CSMD1: variants seen among roughly 807,000 people sequenced by gnomAD.
The protein encoded by CSMD1 is CUB and sushi domain-containing protein 1.
In CSMD1, 213 loss-of-function variants were observed where a neutral mutation model predicts 417.5. That is an observed-to-expected ratio of 0.51 (90% CI 0.46 to 0.57). CSMD1 has a LOEUF of 0.57. CSMD1 is among the 20% of genes least tolerant of loss of function. CSMD1 has a pLI of 0.00. For synonymous variants in CSMD1, 2,862 were observed against 1,736.8 expected (o/e 1.65, Z -16.11); for missense variants, 6,923 against 4,529.7 (o/e 1.53, Z -15.17).
intron 2 of CSMD1, among the ~76,000 whole-genome samples, chr8:4,598,858 C>G (rs924593110): frequency 8.5e-5 from 13 of 152,142 alleles, no homozygotes; most frequent in South Asian, 2.1e-4. Context: ...GGAAGAACTA[C>G]TTTTACTTTT....
intron 3 of CSMD1, among the ~76,000 whole-genome samples, chr8:4,162,478 G>C (rs957769967): frequency 2.6e-5 from 4 of 152,168 alleles, no homozygotes; most frequent in African/African-American, 7.2e-5. Context: ...ATTTAAGCCA[G>C]TTTGATGAAC....
chr8:3,691,441 T>A (rs1184560175), intron 7 of CSMD1, among the ~76,000 whole-genome samples: 1 of 152,120 alleles, frequency 6.6e-6, no homozygotes, highest in Non-Finnish European at 1.5e-5. Context: ...AAGAGAAGAT[T>A]GGCGCTTCCT....
In CSMD1 at chr8:3,157,882, A is replaced by T. The variant is rs1819633669; in HGVS notation, c.5914+15T>A. 1 of 1,545,772 alleles carries T rather than the reference A, an allele frequency of 6.5e-7. No homozygotes were observed. The highest frequency in any genetic ancestry group is 1.4e-5 in the African/African-American group (1 of 72,946). On this transcript the variant is annotated intron_variant, in intron 39 of 69. Coordinates refer to ENST00000635120, the MANE Select transcript of CSMD1 (RefSeq NM_033225.6). ...TGTGTGCGCAGCAGCAGAGTTACAG[A>T]AGGTGCATCCTTACCAATGCACAGG... is the stretch of plus-strand genomic sequence containing the variant.
At position 4,184,209 on chromosome 8, in the gene CSMD1, G is replaced by C. The variant is rs140554186; in HGVS notation, c.416-152110C>G. On this transcript the variant is annotated intron_variant, in intron 3 of 69. Coordinates refer to ENST00000635120, the MANE Select transcript of CSMD1 (RefSeq NM_033225.6). The stretch of plus-strand genomic sequence containing the variant: ...TAAATCTGTGTCAGTCTGAGCCTAA[G>C]AGTATAACTGTAAGCAGAGACAATA... Among the ~76,000 whole-genome samples, 105 of 152,316 alleles carry C rather than the reference G, an allele frequency of 6.9e-4. 1 individual carries two copies. In the Middle Eastern group the frequency reaches 0.017, roughly 25 times the overall value.
At chr8:4,284,415 G>C (rs1421530169) in intron 3 of CSMD1, among the ~76,000 whole-genome samples, 4 of 138,012 alleles carry the variant, frequency 2.9e-5, no homozygotes, top group South Asian at 4.5e-4. Flanking sequence ...CTTCAGGAGA[G>C]ACAAACACTG....
intron 3 of CSMD1, among the ~76,000 whole-genome samples, chr8:4,188,057 G>C (rs1798787437): frequency 3.9e-5 from 6 of 151,972 alleles, no homozygotes. Flanking sequence ...CCTAGTCATA[G>C]GTGATTTAAA....
At chr8:3,683,670 G>C (rs997649369) in intron 7 of CSMD1, among the ~76,000 whole-genome samples, 1 of 152,112 alleles carries the variant, frequency 6.6e-6, no homozygotes, top group Non-Finnish European at 1.5e-5. Context: ...TATCCTGTGA[G>C]GTTGTCATCT....
intron 1 of CSMD1, among the ~76,000 whole-genome samples, chr8:4,670,206 T>A (rs1455475414): frequency 6.6e-6 from 1 of 152,254 alleles, no homozygotes; most frequent in African/African-American, 2.4e-5. Context: ...ATATTTCTGC[T>A]ATGCCTTCTC....
intron 5 of CSMD1, among the ~76,000 whole-genome samples, chr8:3,846,061 T>TAA (rs567094489): frequency 2.0e-5 from 3 of 148,142 alleles, no homozygotes; most frequent in South Asian, 2.1e-4. Flanking sequence ...CAGTTAAAAT[T>TAA]AAAAAAAAAA....
intron 3 of CSMD1, among the ~76,000 whole-genome samples, chr8:4,267,741 G>T (rs575660254): frequency 6.6e-6 from 1 of 152,048 alleles, no homozygotes; most frequent in African/African-American, 2.4e-5. Context: ...ATTCCAAATT[G>T]TAAGGTGCCA....
At chr8:3,521,278 T>A (rs117860894) in intron 10 of CSMD1, among the ~76,000 whole-genome samples, 2,443 of 152,334 alleles carry the variant, frequency 0.016, 35 homozygotes, top group Admixed American at 0.029. Flanking sequence ...TTCCTCCCTG[T>A]GCTCAGAGCC....
In CSMD1 at chr8:3,029,424, C is replaced by G; in HGVS notation, c.7750G>C (p.Val2584Leu). 6.2e-7 allele frequency: 1 copy of G among 1,611,590 alleles called. No individual in the cohort carries two copies. The highest frequency in any genetic ancestry group is 8.5e-7 in the Non-Finnish European group (1 of 1,179,116). The change falls in exon 51 of 70, where the codon GTA becomes CTA. Residue 2584 changes from valine (V) to leucine (L), a missense_variant. Physicochemically the swap from Val to Leu is conservative, Grantham distance 32. Coordinates refer to ENST00000635120, the MANE Select transcript of CSMD1 (RefSeq NM_033225.6). ...SGSLNEYGAQ[V>L]LLSCSPGYYL... ...TAACCAGGACTGCAGCTCAGCAATA[C>G]TTGAGCACCGTACTCATTCAAGGAT...
At chr8:3,903,750 G>T (rs1037526639) in intron 5 of CSMD1, among the ~76,000 whole-genome samples, 1 of 152,124 alleles carries the variant, frequency 6.6e-6, no homozygotes, top group Non-Finnish European at 1.5e-5. Flanking sequence ...TCAGGTGATG[G>T]ACTTTGCCAC....
chr8:4,531,904 A>T (rs1185419536), intron 2 of CSMD1, among the ~76,000 whole-genome samples: 1 of 150,816 alleles, frequency 6.6e-6, no homozygotes, highest in African/African-American at 2.4e-5. Flanking sequence ...ATTCACAGTC[A>T]CTCCGGAAAA....
chr8:4,320,391 G>A (rs985660654), intron 3 of CSMD1, among the ~76,000 whole-genome samples: 1 of 152,014 alleles, frequency 6.6e-6, no homozygotes, highest in Non-Finnish European at 1.5e-5. Flanking sequence ...AAGTTGTGAG[G>A]GTACATGTGT....
At chr8:3,755,526 G>A (rs1797609872) in intron 5 of CSMD1, among the ~76,000 whole-genome samples, 1 of 152,172 alleles carries the variant, frequency 6.6e-6, no homozygotes. Context: ...GGTGCTGCGT[G>A]TGGGCCTGCC....
At chr8:3,625,926 G>A (rs147434134) in intron 7 of CSMD1, among the ~76,000 whole-genome samples, 15 of 152,278 alleles carry the variant, frequency 9.9e-5, no homozygotes, top group African/African-American at 3.4e-4. Flanking sequence ...AATGTTCAAA[G>A]AGAAAATGTT....
chr8:4,882,171 T>G (rs1803447179), intron 1 of CSMD1, among the ~76,000 whole-genome samples: 1 of 152,066 alleles, frequency 6.6e-6, no homozygotes, highest in African/African-American at 2.4e-5. Flanking sequence ...AATCCCAGTC[T>G]CCTTGGCACT....
At chr8:3,907,906 T>C (rs181779595) in intron 5 of CSMD1, among the ~76,000 whole-genome samples, 258 of 152,294 alleles carry the variant, frequency 1.7e-3, no homozygotes, top group Middle Eastern at 3.4e-3. Flanking sequence ...GGGATTCTTG[T>C]CCTCTGGAAA....
Sources: allele counts gnomAD v4.1 joint callset (sites outside exome capture counted in the v4.1 genomes callset), GRCh38; gene constraint gnomAD v4.1.1; transcripts MANE v1.5; gene names NCBI Gene and HGNC (gene_info 2026-07-23, HGNC 2026-07-21).